Variants in ZNF679 observed in about 807,000 individuals in gnomAD.
The protein encoded by ZNF679 is hypothetical protein MGC42415.
A neutral mutation model predicts 13.4 loss-of-function variants in ZNF679; 10 were observed. The ratio of observed to expected loss-of-function variants is 0.75; its 90% confidence interval spans 0.46 to 1.27. ZNF679 has a LOEUF of 1.27. Among genes scored for constraint, ZNF679 ranks in the 50% most tolerant of loss-of-function variants. The pLI is 0.00. For synonymous variants in ZNF679, 179 were observed against 162.5 expected (o/e 1.10, Z -0.77); for missense variants, 525 against 477.8 (o/e 1.10, Z -0.92).
intron 1 of ZNF679, among the ~76,000 whole-genome samples, chr7:64,233,373 T>A (rs1307628778): frequency 6.6e-6 from 1 of 151,888 alleles, no homozygotes; most frequent in Non-Finnish European, 1.5e-5. Flanking sequence ...GCTCTTGTAG[T>A]CCTAGCTATT....
At chr7:64,256,231 G>A (rs1252502009) in intron 2 of ZNF679, among the ~76,000 whole-genome samples, 3 of 152,070 alleles carry the variant, frequency 2.0e-5, no homozygotes, top group Admixed American at 1.3e-4. Context: ...CATTCATGTT[G>A]CTGCAAAGGA....
intron 4 of ZNF679, among the ~76,000 whole-genome samples, chr7:64,263,736 A>G (rs546688597): frequency 1.3e-5 from 2 of 152,100 alleles, no homozygotes; most frequent in Non-Finnish European, 2.9e-5. Flanking sequence ...TTCCACTATA[A>G]TTGTAAGCTT....
At chr7:64,250,061 C>G (rs936830639) in intron 2 of ZNF679, among the ~76,000 whole-genome samples, 4 of 151,866 alleles carry the variant, frequency 2.6e-5, no homozygotes, top group African/African-American at 9.7e-5. Flanking sequence ...AGGCTGGTCT[C>G]GAACTCCTGA....
At chr7:64,239,445 G>A (rs1398874280) in intron 1 of ZNF679, among the ~76,000 whole-genome samples, 1 of 152,164 alleles carries the variant, frequency 6.6e-6, no homozygotes, top group East Asian at 1.9e-4. Flanking sequence ...CCTTCCTGCA[G>A]ATGTAACTGT....
intron 1 of ZNF679, among the ~76,000 whole-genome samples, chr7:64,236,957 GAAAGAAAGAAAGAAAGAA>G (rs1251262416): frequency 0.29 from 21,647 of 74,076 alleles, 1,851 homozygotes; most frequent in East Asian, 0.42. Context: ...AAGAAAGAAA[GAAAGAAAGAAAGAAAGAA>G]AAAGAAAGAA....
chr7:64,253,528 A>G (rs1787968271), intron 2 of ZNF679, among the ~76,000 whole-genome samples: 1 of 152,238 alleles, frequency 6.6e-6, no homozygotes, highest in Admixed American at 6.5e-5. Context: ...GGAATTGGAA[A>G]GACCTTACTT....
At chr7:64,254,301 G>T (rs1460493892) in intron 2 of ZNF679, among the ~76,000 whole-genome samples, 1 of 151,844 alleles carries the variant, frequency 6.6e-6, no homozygotes, top group East Asian at 1.9e-4. Flanking sequence ...ATTTTTAGTA[G>T]AGATGGGTTT....
chr7:64,229,241 T>C (rs1447834485), intron 1 of ZNF679, among the ~76,000 whole-genome samples: 1 of 152,136 alleles, frequency 6.6e-6, no homozygotes, highest in Non-Finnish European at 1.5e-5. Context: ...CAAAGTTGCG[T>C]ACAGTATAAT....
chr7:64,265,760 T>G, intron 4 of ZNF679, 136 bp from the exon 5 acceptor site: 2 of 951,222 alleles, frequency 2.1e-6, no homozygotes, highest in Non-Finnish European at 3.1e-6. Context: ...TATACACCTA[T>G]GAAGGAATTA....
intron 1 of ZNF679, among the ~76,000 whole-genome samples, chr7:64,236,406 G>C (rs1311163438): frequency 6.6e-6 from 1 of 151,930 alleles, no homozygotes; most frequent in Non-Finnish European, 1.5e-5. Context: ...TTTGTATTTA[G>C]GCACCAGAGG....
intron 4 of ZNF679, among the ~76,000 whole-genome samples, chr7:64,265,282 T>C (rs1788128396): frequency 6.6e-6 from 1 of 152,176 alleles, no homozygotes. Context: ...AAACATGTTC[T>C]CAGGATGTGT....
chr7:64,265,992 A>C lies in ZNF679; in HGVS notation c.359A>C (p.His120Pro). ...CCAAGAAGATATGGAAAAAGTGGAC[A>C]TGACAATTTACAAGTAAAAACATGT... ...VIPRRYGKSG[H>P]DNLQVKTCKS... The change falls in exon 5 of 5, where the codon CAT (histidine) becomes CCT (proline). Residue 120 changes from histidine to proline, a missense_variant. Coordinates refer to ENST00000421025, the MANE Select transcript of ZNF679 (RefSeq NM_153363.3). 6.2e-7 allele frequency: 1 copy of C among 1,613,728 alleles called. No individual in the cohort carries two copies. The highest frequency in any genetic ancestry group is 8.5e-7 in the Non-Finnish European group (1 of 1,179,802).
chr7:64,266,468 C>G lies in ZNF679; in HGVS notation c.835C>G (p.Arg279Gly), dbSNP rs201186568. The G allele has an allele frequency of 1.2e-6, 2 of 1,609,966 alleles. No homozygotes were observed. Among genetic ancestry groups the G allele is most frequent in the Non-Finnish European group, 1.7e-6 (2 of 1,179,066 alleles). ...TCEECGQAFS[R>G]SSTLANHKRI... is the part of the protein sequence containing the mutation. The stretch of plus-strand genomic sequence containing the variant: ...TGAAGAATGTGGCCAAGCCTTTAGC[C>G]GCTCCTCAACACTTGCTAACCACAA... Residue 279 changes from arginine (R) to glycine (G), a missense_variant, in exon 5 of 5, where the codon CGC (arginine) becomes GGC (glycine). By Grantham distance (125) the Arg-to-Gly change is moderately radical. Transcript: ENST00000421025.
chr7:64,255,133 C>T (rs953307810), intron 2 of ZNF679, among the ~76,000 whole-genome samples: 3 of 151,972 alleles, frequency 2.0e-5, no homozygotes, highest in Non-Finnish European at 2.9e-5. Flanking sequence ...AGGCTCTGTT[C>T]TCCTGCACAC....
At chr7:64,249,228 G>A (rs760270593) in intron 2 of ZNF679, 72 bp downstream of exon 2, 29 of 1,613,262 alleles carry the variant, frequency 1.8e-5, no homozygotes, top group Non-Finnish European at 2.4e-5. Context: ...GGCTGTAGCA[G>A]GACCCAAACT....
At chr7:64,229,647 A>G (rs1460228891) in intron 1 of ZNF679, among the ~76,000 whole-genome samples, 1 of 152,128 alleles carries the variant, frequency 6.6e-6, no homozygotes, top group South Asian at 2.1e-4. Flanking sequence ...TAAAATATTT[A>G]TGTCATATTT....
At chr7:64,258,825 T>G (rs1428951880) in intron 2 of ZNF679, among the ~76,000 whole-genome samples, 1 of 151,450 alleles carries the variant, frequency 6.6e-6, no homozygotes, top group Non-Finnish European at 1.5e-5. Context: ...TATTTTTTGC[T>G]ATTTTTATGA....
At chr7:64,247,214 C>T (rs1486576213) in intron 1 of ZNF679, among the ~76,000 whole-genome samples, 1 of 152,176 alleles carries the variant, frequency 6.6e-6, no homozygotes, top group African/African-American at 2.4e-5. Flanking sequence ...TCAGCAAGGT[C>T]TTTGTGAACT....
intron 4 of ZNF679, among the ~76,000 whole-genome samples, chr7:64,262,309 T>G (rs2115610104): frequency 6.6e-6 from 1 of 152,364 alleles, no homozygotes; most frequent in South Asian, 2.1e-4. Flanking sequence ...ATGTGTTACT[T>G]GATTACAGAA....
Sources: gnomAD v4.1 joint callset for allele counts (sites outside exome capture counted in the v4.1 genomes callset) on GRCh38, gnomAD v4.1.1 for gene constraint, MANE v1.5 for transcripts, NCBI Gene and HGNC (gene_info 2026-07-23, HGNC 2026-07-21) for gene names.